The following CCDC102B variants were observed in gnomAD, a reference collection of about 807,000 sequenced individuals.
CCDC102B encodes coiled-coil domain containing 102B.
A neutral mutation model predicts 57.4 loss-of-function variants in CCDC102B; 75 were observed. The observed-to-expected ratio is 1.31, with a 90% CI of 1.08 to 1.58. The LOEUF (loss-of-function observed/expected upper bound fraction) is 1.58. Ranked by LOEUF, CCDC102B falls within the 40% of genes most tolerant of loss-of-function variation. The probability of loss-of-function intolerance (pLI) is 0.00; values close to 1 mark genes in which losing one functional copy is unlikely to be tolerated. For synonymous variants in CCDC102B, 206 were observed against 201.9 expected, an observed-to-expected ratio of 1.02 and a Z score of -0.17; for missense variants, 636 against 582.6, an observed-to-expected ratio of 1.09 and a Z score of -0.94.
chr18:69,008,351 C>T (rs557000990), intron 6 of CCDC102B, among the ~76,000 whole-genome samples: 14 of 152,166 alleles, frequency 9.2e-5, no homozygotes, highest in African/African-American at 3.1e-4. Flanking sequence ...GACAGTGTTA[C>T]TGTGAAGCGA....
At chr18:68,805,923 A>G (rs527247448) in intron 1 of CCDC102B, among the ~76,000 whole-genome samples, 40 of 152,332 alleles carry the variant, frequency 2.6e-4, no homozygotes, top group African/African-American at 9.4e-4. Flanking sequence ...CAGTGTTGTC[A>G]GTGATCTCAT....
chr18:68,874,891 T>C, intron 5 of CCDC102B, 106 bp downstream of exon 5: 1 of 674,942 alleles, frequency 1.5e-6, no homozygotes, highest in Non-Finnish European at 2.6e-6. Context: ...GGTTACTTTA[T>C]GAAAGTGAAT....
chr18:68,757,362 C>G (rs1734810798), intron 2 of CCDC102B, among the ~76,000 whole-genome samples: 1 of 152,034 alleles, frequency 6.6e-6, no homozygotes, highest in Admixed American at 6.6e-5. Flanking sequence ...TGTCTCTTTC[C>G]TTTTGGTAAT....
At chr18:68,838,613 G>A (rs2144792136) in intron 2 of CCDC102B, 93 bp from the exon 3 acceptor site, 1 of 1,493,800 alleles carries the variant, frequency 6.7e-7, no homozygotes, top group East Asian at 2.4e-5. Context: ...AATTGGTTGT[G>A]GTATCGTAAC....
intron 7 of CCDC102B, among the ~76,000 whole-genome samples, chr18:69,031,947 T>C (rs1212343342): frequency 6.6e-6 from 1 of 152,158 alleles, no homozygotes; most frequent in African/African-American, 2.4e-5. Flanking sequence ...ATTTAATCTT[T>C]GCATTTCTGT....
rs111623599 is a variant in CCDC102B at position 68,907,425 on chromosome 18, T to C, written c.1263+9997T>C. Reference sequence around the variant, plus strand: ...ATTAACAGTTTAATGTTACGTATTCTTATCTGTGCATATATCTTTCCATAT... The same window carrying C: ...ATTAACAGTTTAATGTTACGTATTCCTATCTGTGCATATATCTTTCCATAT... On this transcript the variant is annotated intron_variant, in intron 6 of 7. Transcript: ENST00000360242. Among the ~76,000 whole-genome samples the C allele has an allele frequency of 7.8e-4, 119 of 152,342 alleles. 1 individual carries two copies. The highest frequency in any genetic ancestry group is 2.6e-3 in the African/African-American group (108 of 41,578).
chr18:68,923,821 TTA>T, intron 6 of CCDC102B, among the ~76,000 whole-genome samples: 1 of 152,040 alleles, frequency 6.6e-6, no homozygotes, highest in Non-Finnish European at 1.5e-5. Flanking sequence ...TGAGACATGG[TTA>T]GCCTGCATTT....
chr18:69,008,672 C>T (rs927692738), intron 6 of CCDC102B, among the ~76,000 whole-genome samples: 1 of 152,186 alleles, frequency 6.6e-6, no homozygotes, highest in Admixed American at 6.5e-5. Context: ...TGAGGACCAG[C>T]ATTTTCTCTG....
intron 1 of CCDC102B, among the ~76,000 whole-genome samples, chr18:68,832,166 T>A (rs1299224631): frequency 6.6e-6 from 1 of 151,818 alleles, no homozygotes; most frequent in Non-Finnish European, 1.5e-5. Context: ...GCAATAACGA[T>A]AAACAATAAG....
chr18:68,925,588 C>T (rs576878052), intron 6 of CCDC102B, among the ~76,000 whole-genome samples: 4 of 152,114 alleles, frequency 2.6e-5, no homozygotes, highest in African/African-American at 9.6e-5. Context: ...AGCAACACCT[C>T]TTTATTCTTA....
intron 6 of CCDC102B, among the ~76,000 whole-genome samples, chr18:68,980,533 A>G (rs889491562): frequency 6.6e-5 from 10 of 151,924 alleles, no homozygotes; most frequent in Admixed American, 6.6e-5. Context: ...TTTTTGTTTT[A>G]TTTTGCAAAA....
chr18:68,834,864 A>G (rs1298564406), intron 1 of CCDC102B, among the ~76,000 whole-genome samples: 1 of 151,972 alleles, frequency 6.6e-6, no homozygotes, highest in Non-Finnish European at 1.5e-5. Flanking sequence ...AAGTAATGAA[A>G]CCCATTCAGT....
chr18:68,834,647 A>G (rs554750094), intron 1 of CCDC102B, among the ~76,000 whole-genome samples: 30 of 151,708 alleles, frequency 2.0e-4, no homozygotes, highest in South Asian at 8.3e-4. Context: ...CCATGAGTCT[A>G]TATTATTACA....
intron 6 of CCDC102B, among the ~76,000 whole-genome samples, chr18:68,936,782 T>C (rs1294243304): frequency 4.0e-5 from 6 of 150,318 alleles, no homozygotes; most frequent in Admixed American, 1.3e-4. Flanking sequence ...CATACATACA[T>C]ATATATACAT....
intron 2 of CCDC102B, among the ~76,000 whole-genome samples, chr18:68,722,927 G>A (rs868296464): frequency 2.7e-5 from 4 of 147,742 alleles, no homozygotes; most frequent in African/African-American, 7.5e-5. Flanking sequence ...TTAGATTCAG[G>A]GAGTACAAGT....
chr18:68,961,142 A>T (rs1455848009), intron 6 of CCDC102B, among the ~76,000 whole-genome samples: 6 of 152,092 alleles, frequency 3.9e-5, no homozygotes, highest in Non-Finnish European at 4.4e-5. Flanking sequence ...GAAATGAAAA[A>T]TGTTCCCATG....
At chr18:68,814,916 T>C (rs1048534701) in intron 1 of CCDC102B, among the ~76,000 whole-genome samples, 1 of 152,094 alleles carries the variant, frequency 6.6e-6, no homozygotes, top group Non-Finnish European at 1.5e-5. Context: ...AGATTTCTTC[T>C]TCTGATACAC....
chr18:68,858,135 G>A, intron 4 of CCDC102B, among the ~76,000 whole-genome samples: 1 of 152,136 alleles, frequency 6.6e-6, no homozygotes, highest in Admixed American at 6.6e-5. Context: ...CACATGGTGT[G>A]CCCCCACCAG....
chr18:68,838,134 G>A (rs1183431147), intron 2 of CCDC102B, among the ~76,000 whole-genome samples: 1 of 152,164 alleles, frequency 6.6e-6, no homozygotes. Context: ...TTTGAGTTAC[G>A]CTCTAAGAGT....
Sources: allele counts gnomAD v4.1 joint callset (sites outside exome capture counted in the v4.1 genomes callset), GRCh38; gene constraint gnomAD v4.1.1; transcripts MANE v1.5; gene names NCBI Gene and HGNC (gene_info 2026-07-23, HGNC 2026-07-21).